WWOX: variants seen among roughly 807,000 people sequenced by gnomAD.
The protein encoded by WWOX is WW domain containing oxidoreductase, also known as WW domain-containing oxidoreductase.
A neutral mutation model predicts 46.2 loss-of-function variants in WWOX; 69 were observed. That is an observed-to-expected ratio of 1.49 (90% CI 1.23 to 1.82). The LOEUF (loss-of-function observed/expected upper bound fraction) is 1.82. Among genes scored for constraint, WWOX ranks in the 40% most tolerant of loss-of-function variants. The pLI is 0.00. For synonymous variants in WWOX, 359 were observed against 202.6 expected, an observed-to-expected ratio of 1.77 and a Z score of -6.56; for missense variants, 919 against 542.6, an observed-to-expected ratio of 1.69 and a Z score of -6.89.
At chr16:78,951,704 G>C (rs2046063564) in intron 8 of WWOX, among the ~76,000 whole-genome samples, 1 of 152,186 alleles carries the variant, frequency 6.6e-6, no homozygotes, top group South Asian at 2.1e-4. Context: ...CCAGTACCGG[G>C]GAACCAGGTG....
At chr16:78,548,021 G>C (rs1022330024) in intron 8 of WWOX, among the ~76,000 whole-genome samples, 18 of 151,868 alleles carry the variant, frequency 1.2e-4, no homozygotes, top group African/African-American at 3.4e-4. Flanking sequence ...CGGGTGTGGT[G>C]GTGAATGCCT....
intron 8 of WWOX, among the ~76,000 whole-genome samples, chr16:78,539,921 C>A (rs921965715): frequency 2.6e-5 from 4 of 152,074 alleles, no homozygotes; most frequent in Admixed American, 2.6e-4. Flanking sequence ...TATAAAACCA[C>A]ACTTACATTT....
At chr16:79,166,503 A>G (rs374559314) in intron 8 of WWOX, among the ~76,000 whole-genome samples, 7 of 152,258 alleles carry the variant, frequency 4.6e-5, no homozygotes, top group Admixed American at 3.3e-4. Context: ...GTTCAGAACC[A>G]CACCATACGG....
intron 8 of WWOX, among the ~76,000 whole-genome samples, chr16:78,957,553 G>A (rs1051702710): frequency 3.3e-5 from 5 of 152,132 alleles, no homozygotes; most frequent in Non-Finnish European, 5.9e-5. Flanking sequence ...CTTTAATCTC[G>A]GGTCTTCTTT....
chr16:78,756,912 C>T lies in WWOX; in HGVS notation c.1056+324160C>T, dbSNP rs559225853. ...GACCATAAAAATATTGAGGCTTCTG[C>T]CTTACTGATGTGGATCATTCACTCT... On this transcript the variant is annotated intron_variant, in intron 8 of 8. Coordinates refer to ENST00000566780, the MANE Select transcript of WWOX (RefSeq NM_016373.4). The T allele has an allele frequency of 3.0e-5, 21 of 703,006 alleles. No individual in the cohort carries two copies. In the African/African-American group the frequency reaches 3.1e-4, roughly 11 times the overall value. The allele number at this position is 703,006 out of a possible 1,614,324, so 43.5% of individuals were successfully genotyped here. A position where few individuals can be genotyped will look rare whatever the true frequency, so the allele number is the denominator to read the frequency against.
At chr16:78,778,354 C>A (rs955259746) in intron 8 of WWOX, among the ~76,000 whole-genome samples, 1 of 152,148 alleles carries the variant, frequency 6.6e-6, no homozygotes, top group Non-Finnish European at 1.5e-5. Flanking sequence ...AACTGATTTA[C>A]CACTTGGTAA....
intron 8 of WWOX, among the ~76,000 whole-genome samples, chr16:78,712,097 C>G (rs773338486): frequency 7.9e-5 from 12 of 152,126 alleles, no homozygotes; most frequent in Non-Finnish European, 1.3e-4. Context: ...ATTCCTGTAT[C>G]CTTTGTGATG....
chr16:78,374,081 C>T (rs1242590969), intron 5 of WWOX, among the ~76,000 whole-genome samples: 19 of 152,252 alleles, frequency 1.2e-4, no homozygotes, highest in Admixed American at 1.2e-3. Context: ...GCCATTATGC[C>T]TGGCCACCAG....
chr16:79,001,420 G>C (rs995292547), intron 8 of WWOX, among the ~76,000 whole-genome samples: 1 of 152,164 alleles, frequency 6.6e-6, no homozygotes, highest in African/African-American at 2.4e-5. Context: ...TGTAACTCGA[G>C]TGTTCTGTGA....
chr16:78,689,251 G>A (rs978411691), intron 8 of WWOX, among the ~76,000 whole-genome samples: 7 of 152,300 alleles, frequency 4.6e-5, no homozygotes, highest in Admixed American at 3.9e-4. Context: ...CGTCACCATT[G>A]GAAGGTTGCC....
chr16:78,253,956 A>G (rs2038053016), intron 5 of WWOX, among the ~76,000 whole-genome samples: 1 of 152,198 alleles, frequency 6.6e-6, no homozygotes, highest in African/African-American at 2.4e-5. Flanking sequence ...ATTGAGTGCA[A>G]CCGGGAAGCT....
chr16:79,194,245 A>G (rs1236621945), intron 8 of WWOX, among the ~76,000 whole-genome samples: 1 of 152,216 alleles, frequency 6.6e-6, no homozygotes, highest in Non-Finnish European at 1.5e-5. Context: ...CATTTTGTTT[A>G]TCCATCAACT....
In WWOX at chr16:78,744,422, C is replaced by CTTTTTT. The variant is rs976073233; in HGVS notation, c.1056+311692_1056+311697dup. ...TAGGAAGGGCCCATGGTCCACACTG[C>CTTTTTT]TTTTTTTTTTTTTTTTTTTTTTTTT... is the stretch of plus-strand genomic sequence containing the variant. On this transcript the variant is annotated intron_variant, in intron 8 of 8. Transcript: ENST00000566780. Among the ~76,000 whole-genome samples, 154 of 82,238 alleles carry CTTTTTT rather than the reference C, an allele frequency of 1.9e-3. 7 individuals are homozygous for CTTTTTT. The highest frequency in any genetic ancestry group is 8.9e-3 in the African/African-American group (146 of 16,328). The allele number at this position is 82,238 out of a possible 152,430, so 54.0% of individuals were successfully genotyped here. A position where few individuals can be genotyped will look rare whatever the true frequency, so the allele number is the denominator to read the frequency against.
At chr16:78,496,129 C>G (rs909040705) in intron 8 of WWOX, 1 of 152,126 alleles carries the variant, frequency 6.6e-6, no homozygotes, top group South Asian at 2.1e-4. Flanking sequence ...CCCTCATTCC[C>G]CATACACCAC....
chr16:78,144,431 A>ATATATATATATATACG lies in WWOX; in HGVS notation c.410-19738_410-19737insCGTATATATATATATA, dbSNP rs1307137913. 6.7e-3 allele frequency among the ~76,000 whole-genome samples: 97 copies of ATATATATATATATACG among 14,544 alleles called. 22 individuals are homozygous for ATATATATATATATACG. Among genetic ancestry groups the ATATATATATATATACG allele is most frequent in the African/African-American group, 0.029 (63 of 2,152 alleles). The allele number at this position is 14,544 out of a possible 152,430, so 9.5% of individuals were successfully genotyped here. ...TGCAAACGTGGTTTTTGCCATTACT[A>ATATATATATATATACG]TATATATATATATATACACATATAT... On this transcript the variant is annotated intron_variant, in intron 4 of 8. Transcript: ENST00000566780.
intron 5 of WWOX, among the ~76,000 whole-genome samples, chr16:78,289,591 A>C (rs979613588): frequency 6.6e-6 from 1 of 152,192 alleles, no homozygotes; most frequent in Non-Finnish European, 1.5e-5. Flanking sequence ...ACAGGGGAAA[A>C]AAATAAAACT....
intron 8 of WWOX, among the ~76,000 whole-genome samples, chr16:78,792,133 AACC>A (rs1212790993): frequency 6.6e-6 from 1 of 152,062 alleles, no homozygotes; most frequent in African/African-American, 2.4e-5. Context: ...CTGCATCACA[AACC>A]ACCATTAGAC....
chr16:78,852,126 G>A (rs1467481948), intron 8 of WWOX, among the ~76,000 whole-genome samples: 1 of 152,178 alleles, frequency 6.6e-6, no homozygotes, highest in Non-Finnish European at 1.5e-5. Flanking sequence ...TTGTTGAAAT[G>A]TTAGAGTTCA....
chr16:78,640,791 T>C (rs1189410889), intron 8 of WWOX, among the ~76,000 whole-genome samples: 2 of 151,854 alleles, frequency 1.3e-5, no homozygotes, highest in East Asian at 3.9e-4. Context: ...TACAAAAAAT[T>C]AGCCGGGCGT....
Sources: allele counts gnomAD v4.1 joint callset (sites outside exome capture counted in the v4.1 genomes callset), GRCh38; gene constraint gnomAD v4.1.1; transcripts MANE v1.5; gene names NCBI Gene and HGNC (gene_info 2026-07-23, HGNC 2026-07-21).